Variants in NOL10 observed in about 807,000 individuals in gnomAD.
NOL10 encodes the protein nucleolar protein 10, also known as H_NH0074G24.1.
In NOL10, 58 loss-of-function variants were observed where a neutral mutation model predicts 103.5. The ratio of observed to expected loss-of-function variants is 0.56; its 90% CI spans 0.45 to 0.70. The LOEUF (loss-of-function observed/expected upper bound fraction) is 0.70. Ranked by LOEUF, NOL10 falls within the 30% of genes least tolerant of loss-of-function variation. NOL10 has a pLI of 0.00. For synonymous variants in NOL10, 287 were observed against 282.5 expected (o/e 1.02, Z -0.16); for missense variants, 763 against 807.3 (o/e 0.95, Z 0.67).
At chr2:10,598,763 A>T (rs1675828963) in intron 17 of NOL10, among the ~76,000 whole-genome samples, 1 of 152,070 alleles carries the variant, frequency 6.6e-6, no homozygotes, top group Non-Finnish European at 1.5e-5. Flanking sequence ...GAGGAGAAAA[A>T]AGTAAGCACT....
chr2:10,650,943 CA>C (rs796761711), intron 12 of NOL10, among the ~76,000 whole-genome samples: 24 of 152,214 alleles, frequency 1.6e-4, no homozygotes, highest in African/African-American at 5.8e-4. Flanking sequence ...CCACTGTCGT[CA>C]GTGGTGGCAT....
chr2:10,653,448 C>G (rs1337038529), intron 12 of NOL10, among the ~76,000 whole-genome samples: 1 of 152,152 alleles, frequency 6.6e-6, no homozygotes, highest in Non-Finnish European at 1.5e-5. Context: ...CAGTTACTTC[C>G]AAGGCACTTT....
chr2:10,663,020 T>C lies in NOL10; in HGVS notation c.616A>G (p.Arg206Gly), dbSNP rs1044465728. Residue 206 changes from arginine to glycine, a missense_variant, in exon 9 of 21, where the codon AGA (arginine) becomes GGA (glycine). Arg to Gly is a moderately radical substitution (Grantham distance 125). Transcript: ENST00000381685. ...AACAGGCCAACTCTGTTTCGAGTTC[T>C]TGGGTCCCAGCACTCCACTCTACCC... ...IEGRVECWDP[R>G]TRNRVGLLDC... The C allele has an allele frequency of 6.2e-7, 1 of 1,614,004 alleles. No individual in the cohort carries two copies.
rs906463760 is a variant in NOL10, at chr2:10,678,580, G to A, written c.212-2709C>T. Among the ~76,000 whole-genome samples, 6 of 152,010 alleles carry A rather than the reference G, an allele frequency of 3.9e-5. No homozygotes were observed. In the East Asian group the frequency reaches 5.8e-4, roughly 15 times the overall value. The stretch of plus-strand genomic sequence containing the variant: ...AGGAATCAAGAGGCCAGTCACTTCC[G>A]TAACAAATCAATACTTTGCACATCC... On this transcript the variant is annotated intron_variant, in intron 3 of 20. Coordinates refer to ENST00000381685, the MANE Select transcript of NOL10 (RefSeq NM_024894.4).
At chr2:10,594,928 C>CT in intron 17 of NOL10, among the ~76,000 whole-genome samples, 1 of 152,136 alleles carries the variant, frequency 6.6e-6, no homozygotes, top group South Asian at 2.1e-4. Flanking sequence ...GCCCGAGAGA[C>CT]TGAGGCTGCA....
At chr2:10,584,313 T>C (rs552145274) in intron 19 of NOL10, among the ~76,000 whole-genome samples, 1 of 152,302 alleles carries the variant, frequency 6.6e-6, no homozygotes, top group East Asian at 1.9e-4. Context: ...TGATAAATGC[T>C]TGATGAATGA....
chr2:10,587,158 C>CACATATAT lies in NOL10; in HGVS notation c.1844+1877_1844+1884dup, dbSNP rs1675119150. On this transcript the variant is annotated intron_variant, in intron 19 of 20. Transcript: ENST00000381685. ...ATATACACATATATATACATATATA[C>CACATATAT]ACATATATACACATATATATACACA... 6.0e-5 allele frequency among the ~76,000 whole-genome samples: 2 copies of CACATATAT among 33,206 alleles called. 1 individual carries two copies. Among genetic ancestry groups the CACATATAT allele is most frequent in the Non-Finnish European group, 1.0e-4 (2 of 19,346 alleles). The allele number at this position is 33,206 out of a possible 152,430, so 21.8% of individuals were successfully genotyped here. A position where few individuals can be genotyped will look rare whatever the true frequency, so the allele number is the denominator to read the frequency against.
chr2:10,584,801 A>G (rs1674938361), intron 19 of NOL10, among the ~76,000 whole-genome samples: 2 of 152,276 alleles, frequency 1.3e-5, no homozygotes, highest in South Asian at 4.1e-4. Context: ...TAACTTAGTA[A>G]GAATGTTTAA....
chr2:10,619,387 C>A (rs2148216523), intron 13 of NOL10, among the ~76,000 whole-genome samples: 1 of 152,266 alleles, frequency 6.6e-6, no homozygotes, highest in East Asian at 1.9e-4. Context: ...CTCCTGGGCT[C>A]AAATGATCCT....
intron 9 of NOL10, among the ~76,000 whole-genome samples, chr2:10,662,278 A>G (rs1023126994): frequency 6.6e-6 from 1 of 152,218 alleles, no homozygotes; most frequent in African/African-American, 2.4e-5. Context: ...ATTTCTACTA[A>G]GCTTTATTTA....
intron 17 of NOL10, among the ~76,000 whole-genome samples, chr2:10,598,376 G>C (rs1388632793): frequency 6.6e-6 from 1 of 152,060 alleles, no homozygotes; most frequent in Non-Finnish European, 1.5e-5. Context: ...AATTTACAGA[G>C]AACTAATCAA....
intron 20 of NOL10, 22 bp downstream of exon 20, chr2:10,577,614 A>C: frequency 6.4e-7 from 1 of 1,552,518 alleles, no homozygotes; most frequent in Non-Finnish European, 8.8e-7. Flanking sequence ...GAATTAAAAA[A>C]TAACAATAAA....
chr2:10,622,075 T>G (rs115887937), intron 13 of NOL10: 6 of 471,190 alleles, frequency 1.3e-5, no homozygotes, highest in African/African-American at 1.2e-4. Context: ...ACAGCAGATA[T>G]AGAACGTGTC....
chr2:10,603,261 G>C, intron 14 of NOL10, 104 bp from the exon 15 acceptor site: 1 of 791,064 alleles, frequency 1.3e-6, no homozygotes, highest in Non-Finnish European at 2.0e-6. Context: ...TTTCACTTCA[G>C]ACTAAAAATT....
At chr2:10,634,670 C>T (rs1256759101) in intron 13 of NOL10, 1 of 453,488 alleles carries the variant, frequency 2.2e-6, no homozygotes, top group African/African-American at 2.0e-5. Context: ...AAAGAAGAGA[C>T]AAGGACTAAG....
intron 6 of NOL10, among the ~76,000 whole-genome samples, chr2:10,669,447 A>G (rs1337377878): frequency 2.1e-5 from 3 of 144,010 alleles, no homozygotes; most frequent in Non-Finnish European, 4.5e-5. Context: ...ATTTGTATAT[A>G]TATATATATT....
intron 12 of NOL10, 28 bp downstream of exon 12, chr2:10,654,453 C>T (rs1481390570): frequency 2.1e-6 from 3 of 1,456,282 alleles, no homozygotes; most frequent in Non-Finnish European, 2.8e-6. Flanking sequence ...TTATTTGTCT[C>T]ACTGAACGTT....
At chr2:10,651,852 T>C (rs920070515) in intron 12 of NOL10, among the ~76,000 whole-genome samples, 2 of 152,204 alleles carry the variant, frequency 1.3e-5, no homozygotes, top group African/African-American at 2.4e-5. Flanking sequence ...TTTACTCCCA[T>C]GATTATAATA....
chr2:10,679,359 C>CA (rs535159833), intron 3 of NOL10, among the ~76,000 whole-genome samples: 40,929 of 109,132 alleles, frequency 0.38, 6,492 homozygotes, highest in South Asian at 0.53. Context: ...AACTCTGCCT[C>CA]AAAAAAAAAA....
Sources: gnomAD v4.1 joint callset for allele counts (sites outside exome capture counted in the v4.1 genomes callset) on GRCh38, gnomAD v4.1.1 for gene constraint, MANE v1.5 for transcripts, NCBI Gene and HGNC (gene_info 2026-07-23, HGNC 2026-07-21) for gene names.